The following CACNA1B variants were observed in gnomAD, a reference collection of about 807,000 sequenced individuals.
CACNA1B encodes voltage-dependent N-type calcium channel subunit alpha-1B.
In CACNA1B, 70 loss-of-function variants were observed where a neutral mutation model predicts 247.2. That is an observed-to-expected ratio of 0.28 (90% CI 0.23 to 0.35). The LOEUF (loss-of-function observed/expected upper bound fraction) is 0.35, where lower values mean the gene tolerates loss of function less well. Among genes scored for constraint, CACNA1B ranks in the 10% least tolerant of loss-of-function variants. The pLI, the probability that CACNA1B is intolerant of heterozygous loss-of-function variation, is 1.00. For missense variants in CACNA1B, 2,367 were observed against 3,197.4 expected (o/e 0.74, Z 6.26); for synonymous variants, 1,231 against 1,294.4 (o/e 0.95, Z 1.05).
chr9:138,036,515 T>C (rs1406269352), intron 20 of CACNA1B, among the ~76,000 whole-genome samples: 1 of 152,218 alleles, frequency 6.6e-6, no homozygotes, highest in East Asian at 1.9e-4. Flanking sequence ...ATTTTGCCAT[T>C]GTTTGTGAGA....
In CACNA1B at chr9:138,072,064, G is replaced by A. The variant is rs1275307674; in HGVS notation, c.4675-1424G>A. On this transcript the variant is annotated intron_variant, in intron 32 of 46. Coordinates refer to ENST00000371372, the MANE Select transcript of CACNA1B (RefSeq NM_000718.4). The surrounding 1 kb of genome is among the most constrained non-coding windows in gnomAD (Gnocchi z 4.5). ...TGGAGATTTTCTTTCCCTGGCACAA[G>A]CAGATTACGGAGCTACAGGTACACT... Among the ~76,000 whole-genome samples the A allele has an allele frequency of 1.3e-5, 2 of 152,114 alleles. No homozygotes were observed. The highest frequency in any genetic ancestry group is 3.9e-4 in the East Asian group (2 of 5,182).
chr9:138,043,016 A>G (rs73669840), intron 20 of CACNA1B, among the ~76,000 whole-genome samples: 7,379 of 152,282 alleles, frequency 0.048, 248 homozygotes, highest in African/African-American at 0.097. Context: ...AAGAATTGAA[A>G]TATACAATAG....
chr9:138,110,773 T>C (rs183426010), intron 39 of CACNA1B, among the ~76,000 whole-genome samples: 22 of 152,178 alleles, frequency 1.4e-4, no homozygotes, highest in African/African-American at 4.6e-4. Flanking sequence ...AAGCCTAAAA[T>C]TGGAGAACAT....
intron 17 of CACNA1B, 33 bp from the exon 18 acceptor site, chr9:138,013,096 A>C (rs890019881): frequency 1.3e-6 from 2 of 1,517,774 alleles, no homozygotes; most frequent in African/African-American, 2.7e-5. Context: ...TAACACTGTG[A>C]GGGGAACTGG....
chr9:137,909,927 T>C (rs1564885175), intron 3 of CACNA1B, among the ~76,000 whole-genome samples: 2 of 152,188 alleles, frequency 1.3e-5, no homozygotes, highest in East Asian at 3.9e-4. Flanking sequence ...CCCATCACCA[T>C]GCCTGGCTAA....
At chr9:138,092,747 A>G (rs368628507) in intron 36 of CACNA1B, among the ~76,000 whole-genome samples, 57 of 152,358 alleles carry the variant, frequency 3.7e-4, no homozygotes, top group African/African-American at 1.3e-3. Context: ...AGATTGCAGT[A>G]AAGACAGGCA....
Position 137,919,089 on chromosome 9 carries a change from C to T in CACNA1B, c.966+1658C>T, listed in dbSNP as rs547771226. Among the ~76,000 whole-genome samples the T allele has an allele frequency of 2.7e-4, 41 of 152,352 alleles. No individual in the cohort carries two copies. Among genetic ancestry groups the T allele is most frequent in the Non-Finnish European group, 5.0e-4 (34 of 68,030 alleles). ...TGTCCACTGGGGCTTGGCCAGGGGC[C>T]GCACATGACTCAGATTCTTCTGCCT... On this transcript the variant is annotated intron_variant, in intron 6 of 46. Transcript: ENST00000371372. This position sits in a 1 kb window ranked among gnomAD's most constrained non-coding sequence, Gnocchi z 4.6.
intron 3 of CACNA1B, chr9:137,890,266 C>G (rs1366915731): frequency 1.3e-5 from 2 of 149,652 alleles, no homozygotes; most frequent in Non-Finnish European, 3.0e-5. Flanking sequence ...CTCTGCGGAT[C>G]TTTCACCATG....
At chr9:138,112,896 A>G (rs1261379379) in intron 40 of CACNA1B, among the ~76,000 whole-genome samples, 2 of 144,106 alleles carry the variant, frequency 1.4e-5, no homozygotes. Flanking sequence ...GAGGTGCCCA[A>G]CTTCATCTTG....
chr9:138,040,662 T>C, intron 20 of CACNA1B: 1 of 300,640 alleles, frequency 3.3e-6, no homozygotes, highest in Non-Finnish European at 6.9e-6. Context: ...GAGAAAGATA[T>C]AGGCTGGGAG....
chr9:138,009,939 GA>G, intron 16 of CACNA1B, 70 bp from the exon 17 acceptor site: 5 of 1,240,446 alleles, frequency 4.0e-6, no homozygotes, highest in Non-Finnish European at 5.9e-6. Flanking sequence ...GATCTGGGGA[GA>G]TGGGGGAAGC....
chr9:138,123,517 C>T lies in CACNA1B; in HGVS notation c.*1518C>T, dbSNP rs10867108. ...AATTCCAGATGATCTGTGTTGGATT[C>T]TTGGCTTCTACCCCATGATTCTCCT... On this transcript the variant is annotated 3_prime_UTR_variant, in exon 47 of 47. Transcript: ENST00000371372. 46,228 of 152,152 alleles carry T rather than the reference C, an allele frequency of 0.3. 8,005 individuals are homozygous for T. Among genetic ancestry groups the T allele is most frequent in the Middle Eastern group, 0.5 (146 of 294 alleles). 9.4% of individuals were successfully genotyped at this position (152,152 alleles called of 1,614,324 possible).
rs1197402277 is a variant in CACNA1B, at chr9:138,052,262, G to A, written c.3807+74G>A. The A allele has an allele frequency of 1.2e-6, 1 of 801,378 alleles. No homozygotes were observed. The allele number at this position is 801,378 out of a possible 1,614,324, so 49.6% of individuals were successfully genotyped here. On this transcript the variant is annotated intron_variant, in intron 25 of 46. Transcript: ENST00000371372. This position sits in a 1 kb window ranked among gnomAD's most constrained non-coding sequence, Gnocchi z 5.1. ...TGTGTGTGTGTGCGTGTGTGTGTGT[G>A]TATGCATGCAGTGCATGAGTGTGTG...
rs1214790281 is a variant in CACNA1B, at chr9:138,047,085, G to A, written c.3543+52G>A. ...CGCCAGGCTGTGGCGGGGGAGCTGGGTGCCTTCCCAGGGGCCCAAGGGGCT... is the reference window on the plus strand; with the variant it reads ...CGCCAGGCTGTGGCGGGGGAGCTGGATGCCTTCCCAGGGGCCCAAGGGGCT... On this transcript the variant is annotated intron_variant, in intron 22 of 46. Coordinates refer to ENST00000371372, the MANE Select transcript of CACNA1B (RefSeq NM_000718.4). The A allele has an allele frequency of 5.2e-6, 8 of 1,547,648 alleles. No individual in the cohort carries two copies. In the East Asian group the frequency reaches 1.6e-4, roughly 32 times the overall value.
chr9:137,903,934 T>C (rs1957268437), intron 3 of CACNA1B, among the ~76,000 whole-genome samples: 2 of 152,222 alleles, frequency 1.3e-5, no homozygotes, highest in Admixed American at 6.5e-5. Flanking sequence ...ATCAGGCTGC[T>C]GGTTCTGGGT....
chr9:138,076,345 T>A (rs891253684), intron 35 of CACNA1B, among the ~76,000 whole-genome samples: 2 of 151,926 alleles, frequency 1.3e-5, no homozygotes, highest in Non-Finnish European at 2.9e-5. Context: ...TCGAGGGCAG[T>A]AGGGCAACAG....
intron 23 of CACNA1B, among the ~76,000 whole-genome samples, 169 bp from the exon 24 acceptor site, chr9:138,049,040 A>G (rs1010554042): frequency 3.9e-5 from 6 of 152,020 alleles, no homozygotes; most frequent in African/African-American, 1.5e-4. Context: ...TTTTCTTAAG[A>G]GACAGGATTT....
rs1341541679 is a variant in CACNA1B, at chr9:138,014,905, ACT to A, written c.2267+1673_2267+1674del. 6.6e-6 allele frequency among the ~76,000 whole-genome samples: 1 copy of A among 151,514 alleles called. No individual in the cohort carries two copies. Among genetic ancestry groups the A allele is most frequent in the African/African-American group, 2.4e-5 (1 of 41,184 alleles). On this transcript the variant is annotated intron_variant, in intron 18 of 46. Transcript: ENST00000371372. The surrounding 1 kb of genome is among the most constrained non-coding windows in gnomAD (Gnocchi z 6.2). Reference sequence around the variant, plus strand: ...AGGCTGCCTGAAAAGGAGGCTGGACACTCTTCCTTATCTGCTGCCCTGTCCTG... The same window carrying A: ...AGGCTGCCTGAAAAGGAGGCTGGACACTTCCTTATCTGCTGCCCTGTCCTG...
intron 45 of CACNA1B, 69 bp downstream of exon 45, chr9:138,120,441 A>G: frequency 6.8e-7 from 1 of 1,463,720 alleles, no homozygotes; most frequent in Non-Finnish European, 9.1e-7. Context: ...CAAGCGGCCC[A>G]TGGGGGACCC....
Sources: gnomAD v4.1 joint callset for allele counts (sites outside exome capture counted in the v4.1 genomes callset) on GRCh38, gnomAD v4.1.1 for gene constraint, Gnocchi (gnomAD v3.1) non-coding constraint, MANE v1.5 for transcripts, NCBI Gene and HGNC (gene_info 2026-07-23, HGNC 2026-07-21) for gene names.